Variants in RERE observed in about 807,000 individuals in gnomAD.
The protein encoded by RERE is arginine-glutamic acid dipeptide repeats, also known as arginine-glutamic acid dipeptide repeats protein.
RERE carries 40 observed loss-of-function variants against 146.1 expected under a neutral mutation model. The ratio of observed to expected loss-of-function variants is 0.27; its 90% CI spans 0.21 to 0.36. The LOEUF (loss-of-function observed/expected upper bound fraction) is 0.36, where lower values mean the gene tolerates loss of function less well. Among genes scored for constraint, RERE ranks in the 10% least tolerant of loss-of-function variants. The pLI, the probability that RERE is intolerant of heterozygous loss-of-function variation, is 1.00. For missense variants in RERE, 1,933 were observed against 2,138.7 expected (o/e 0.90, Z 1.90); for synonymous variants, 1,003 against 866.0 (o/e 1.16, Z -2.78).
At chr1:8,661,482 C>T (rs371646855) in intron 1 of RERE, among the ~76,000 whole-genome samples, 1 of 152,180 alleles carries the variant, frequency 6.6e-6, no homozygotes, top group East Asian at 1.9e-4. Flanking sequence ...TTCTGTTTAC[C>T]GGAGATCACT....
At chr1:8,742,126 A>T (rs772911853) in intron 1 of RERE, among the ~76,000 whole-genome samples, 28 of 152,226 alleles carry the variant, frequency 1.8e-4, no homozygotes, top group Admixed American at 2.0e-4. Flanking sequence ...ACACCCAATA[A>T]TGAAAATCAA....
At chr1:8,605,754 A>C (rs1250897327) in intron 4 of RERE, among the ~76,000 whole-genome samples, 1 of 68,774 alleles carries the variant, frequency 1.5e-5, no homozygotes, top group Non-Finnish European at 3.2e-5. Context: ...CCAAAAAAAA[A>C]AAAAAAAAAA....
chr1:8,553,386 C>T (rs1309418621), intron 6 of RERE, among the ~76,000 whole-genome samples: 1 of 151,188 alleles, frequency 6.6e-6, no homozygotes, highest in East Asian at 2.0e-4. Flanking sequence ...ACCATTAGGC[C>T]AGCGCGTCCA....
At chr1:8,575,526 G>C (rs894670233) in intron 4 of RERE, among the ~76,000 whole-genome samples, 26 of 135,784 alleles carry the variant, frequency 1.9e-4, no homozygotes, top group African/African-American at 7.1e-4. Context: ...ACCACACCTG[G>C]CTAATTTAAT....
At position 8,360,527 on chromosome 1, in the gene RERE, T is replaced by C. The variant is rs2124366781; in HGVS notation, c.2980A>G (p.Ser994Gly). The C allele has an allele frequency of 9.7e-7, 1 of 1,031,308 alleles. No homozygotes were observed. Among genetic ancestry groups the C allele is most frequent in the East Asian group, 7.4e-5 (1 of 13,442 alleles). The allele number at this position is 1,031,308 out of a possible 1,614,324, so 63.9% of individuals were successfully genotyped here. A position where few individuals can be genotyped will look rare whatever the true frequency, so the allele number is the denominator to read the frequency against. ...GCGGGCGAGGAGGGCAATGGCTGGC[T>C]CTGAGGCATGAGTTGCAGGGGTGGG... ...HPPPLQLMPQ[S>G]QPLPSSPAQP... The change falls in exon 18 of 23, where the codon AGC becomes GGC. Residue 994 changes from serine to glycine, a missense_variant. Ser to Gly is a moderately conservative substitution (Grantham distance 56). Around this residue, in one of 11 missense-constraint regions of RERE, gnomAD observed 1,255 missense variants for 1,153.8 expected, o/e 1.09. Transcript: ENST00000400908.
chr1:8,401,862 A>G (rs1167711775), intron 12 of RERE, among the ~76,000 whole-genome samples: 2 of 151,696 alleles, frequency 1.3e-5, no homozygotes, highest in African/African-American at 4.8e-5. Context: ...GTGTAAATTT[A>G]TTTTATTTTA....
chr1:8,755,994 A>C (rs541705899), intron 1 of RERE, among the ~76,000 whole-genome samples: 1 of 152,304 alleles, frequency 6.6e-6, no homozygotes, highest in Admixed American at 6.5e-5. Flanking sequence ...GAAAAAAGTC[A>C]ATTAAAGAAC....
chr1:8,809,445 T>C (rs1341047968), intron 1 of RERE, among the ~76,000 whole-genome samples: 3 of 152,194 alleles, frequency 2.0e-5, no homozygotes, highest in Non-Finnish European at 2.9e-5. Flanking sequence ...TATAATAATG[T>C]TACTACAAGA....
intron 10 of RERE, among the ~76,000 whole-genome samples, chr1:8,474,544 C>T (rs1414775010): frequency 6.6e-6 from 1 of 152,184 alleles, no homozygotes; most frequent in Non-Finnish European, 1.5e-5. Flanking sequence ...TCTGGCTTCT[C>T]ATCTTAGCTA....
At chr1:8,378,207 G>GA (rs1473104723) in intron 12 of RERE, among the ~76,000 whole-genome samples, 1 of 152,220 alleles carries the variant, frequency 6.6e-6, no homozygotes, top group African/African-American at 2.4e-5. Context: ...TTCAAGATGT[G>GA]AAATGTCTCA....
intron 10 of RERE, among the ~76,000 whole-genome samples, chr1:8,485,960 C>A (rs1160840221): frequency 1.3e-5 from 2 of 151,994 alleles, no homozygotes; most frequent in Non-Finnish European, 1.5e-5. Context: ...CCACCACACC[C>A]GGCTAATTTT....
At chr1:8,763,158 C>T (rs564057953) in intron 1 of RERE, among the ~76,000 whole-genome samples, 1 of 152,232 alleles carries the variant, frequency 6.6e-6, no homozygotes, top group East Asian at 1.9e-4. Context: ...AGTAAAGTTA[C>T]AACCATAGGA....
At chr1:8,453,743 T>C (rs1644416576) in intron 11 of RERE, among the ~76,000 whole-genome samples, 2 of 152,006 alleles carry the variant, frequency 1.3e-5, no homozygotes, top group South Asian at 2.1e-4. Flanking sequence ...GAGGCAGAGG[T>C]TGCAGTGAGC....
At chr1:8,510,397 C>G (rs2024774) in intron 7 of RERE, among the ~76,000 whole-genome samples, 36,329 of 151,880 alleles carry the variant, frequency 0.24, 5,529 homozygotes, top group East Asian at 0.76. Context: ...GGGGCGGTGA[C>G]AGGGAAATGC....
intron 1 of RERE, among the ~76,000 whole-genome samples, chr1:8,696,658 C>A (rs1275662496): frequency 6.6e-6 from 1 of 151,892 alleles, no homozygotes; most frequent in African/African-American, 2.4e-5. Flanking sequence ...GCCTGTAATC[C>A]CAGCACTTTG....
At chr1:8,729,647 GA>G (rs1212582130) in intron 1 of RERE, among the ~76,000 whole-genome samples, 2 of 152,092 alleles carry the variant, frequency 1.3e-5, no homozygotes, top group Non-Finnish European at 2.9e-5. Flanking sequence ...GCCCTTTACA[GA>G]AAAAGACTGC....
intron 1 of RERE, among the ~76,000 whole-genome samples, chr1:8,660,246 T>C (rs1025923464): frequency 5.3e-5 from 8 of 152,206 alleles, no homozygotes; most frequent in African/African-American, 1.4e-4. Flanking sequence ...ATATGAATTA[T>C]AATTCTTCTG....
At chr1:8,461,675 A>G (rs1644528434) in intron 11 of RERE, among the ~76,000 whole-genome samples, 1 of 152,184 alleles carries the variant, frequency 6.6e-6, no homozygotes, top group Non-Finnish European at 1.5e-5. Context: ...TTGAGATGAA[A>G]GGCCTCCTAT....
chr1:8,383,785 G>T (rs1472414011), intron 12 of RERE, among the ~76,000 whole-genome samples: 1 of 152,058 alleles, frequency 6.6e-6, no homozygotes, highest in Non-Finnish European at 1.5e-5. Context: ...CTTGAGCCCG[G>T]GAGGTGAAGG....
Sources: gnomAD v4.1 joint callset for allele counts (sites outside exome capture counted in the v4.1 genomes callset) on GRCh38, gnomAD v4.1.1 for gene constraint, gnomAD v4.1.1 regional missense constraint, MANE v1.5 for transcripts, NCBI Gene and HGNC (gene_info 2026-07-23, HGNC 2026-07-21) for gene names.